GPR107: variants seen among roughly 807,000 people sequenced by gnomAD.
GPR107 encodes the protein G protein-coupled receptor 107, also known as protein GPR107.
Under a neutral mutation model 75.5 loss-of-function variants are expected in GPR107, and 31 were observed. The observed-to-expected ratio is 0.41, with a 90% CI of 0.31 to 0.55. GPR107 has a LOEUF of 0.55. Among genes scored for constraint, GPR107 ranks in the 20% least tolerant of loss-of-function variants. GPR107 has a pLI of 0.26. For synonymous variants in GPR107, 267 were observed against 251.3 expected (o/e 1.06, Z -0.59); for missense variants, 572 against 665.7 (o/e 0.86, Z 1.55).
intron 17 of GPR107, among the ~76,000 whole-genome samples, chr9:130,134,123 T>C (rs1246064249): frequency 2.6e-5 from 4 of 152,164 alleles, no homozygotes; most frequent in East Asian, 3.9e-4. Flanking sequence ...TAAATCCTCA[T>C]TGTTTCCTCG....
rs2132671072 is a variant in GPR107 at position 130,139,870 on chromosome 9, A to G, written c.*4749A>G. The G allele has an allele frequency of 6.6e-6, 1 of 152,348 alleles. No individual in the cohort carries two copies. The highest frequency in any genetic ancestry group is 1.9e-4 in the East Asian group (1 of 5,184). 9.4% of individuals were successfully genotyped at this position (152,348 alleles called of 1,614,324 possible). Reference sequence around the variant, plus strand: ...TTGACTCTTCAAACAGCTTTTGCAGATCGTAAATTGCATTTGCCTAGTCGT... The same window carrying G: ...TTGACTCTTCAAACAGCTTTTGCAGGTCGTAAATTGCATTTGCCTAGTCGT... On this transcript the variant is annotated 3_prime_UTR_variant, in exon 18 of 18. Coordinates refer to ENST00000347136, the MANE Select transcript of GPR107 (RefSeq NM_020960.5).
At position 130,083,622 on chromosome 9, in the gene GPR107, T is replaced by C; in HGVS notation, c.564+20T>C. On this transcript the variant is annotated intron_variant, in intron 6 of 17. Transcript: ENST00000347136. ...TCAAAGGTAAGAACTAACCACCCTT[T>C]TGTGCTCAGCTTTTCTGGATATGTG... The C allele has an allele frequency of 6.7e-7, 1 of 1,484,730 alleles. No individual in the cohort carries two copies. Among genetic ancestry groups the C allele is most frequent in the Non-Finnish European group, 9.0e-7 (1 of 1,114,840 alleles). The allele number at this position is 1,484,730 out of a possible 1,614,324, so 92.0% of individuals were successfully genotyped here.
intron 7 of GPR107, among the ~76,000 whole-genome samples, chr9:130,088,580 T>C (rs2132585981): frequency 6.6e-6 from 1 of 152,364 alleles, no homozygotes. Context: ...TTATAGAGAC[T>C]AATGAACCAA....
chr9:130,071,035 C>CTTTTTTTT (rs56799662), intron 1 of GPR107, among the ~76,000 whole-genome samples: 18 of 98,194 alleles, frequency 1.8e-4, no homozygotes, highest in Non-Finnish European at 1.8e-4. Flanking sequence ...TTTTTTTTTT[C>CTTTTTTTT]TTTTTTTTTT....
intron 1 of GPR107, among the ~76,000 whole-genome samples, chr9:130,069,334 C>T (rs566579351): frequency 3.3e-5 from 5 of 152,266 alleles, no homozygotes; most frequent in Admixed American, 6.5e-5. Context: ...CCCTTTACCA[C>T]GGTGTCAGTG....
chr9:130,114,532 A>G (rs1203393650), intron 14 of GPR107: 1 of 414,908 alleles, frequency 2.4e-6, no homozygotes, highest in East Asian at 8.9e-5. Context: ...ACAGGCATGC[A>G]CTACCATGCC....
At chr9:130,058,462 CTT>C (rs554366603) in intron 1 of GPR107, among the ~76,000 whole-genome samples, 3 of 151,442 alleles carry the variant, frequency 2.0e-5, no homozygotes, top group African/African-American at 7.3e-5. Flanking sequence ...GATGAGTAGG[CTT>C]TTTTTCTTTT....
chr9:130,101,116 G>A lies in GPR107; in HGVS notation c.1024G>A (p.Ala342Thr), dbSNP rs775138028. 4 of 1,595,866 alleles carry A rather than the reference G, an allele frequency of 2.5e-6. No individual in the cohort carries two copies. Among genetic ancestry groups the A allele is most frequent in the Non-Finnish European group, 2.6e-6 (3 of 1,163,370 alleles). ...VYYITHLLKGALLFITIALIG... is the reference protein window; with the variant it reads ...VYYITHLLKGTLLFITIALIG... ...TGTTTTCTCTTCCAGTTTGAAAGGG[G>A]CGCTACTCTTCATCACCATTGCACT... Residue 342 changes from alanine (A) to threonine (T), a missense_variant, in exon 12 of 18, where the codon GCG becomes ACG. Ala to Thr is a moderately conservative substitution (Grantham distance 58). Coordinates refer to ENST00000347136, the MANE Select transcript of GPR107 (RefSeq NM_020960.5).
At chr9:130,107,328 T>C (rs1368120120) in intron 13 of GPR107, among the ~76,000 whole-genome samples, 168 bp from the exon 14 acceptor site, 1 of 152,162 alleles carries the variant, frequency 6.6e-6, no homozygotes, top group South Asian at 2.1e-4. Context: ...CGTGTTGATA[T>C]CAACCATTTC....
Position 130,124,930 on chromosome 9 carries a change from C to T in GPR107, c.1322C>T (p.Ala441Val). The T allele has an allele frequency of 6.5e-7, 1 of 1,543,348 alleles. No individual in the cohort carries two copies. Among genetic ancestry groups the T allele is most frequent in the South Asian group, 1.2e-5 (1 of 83,370 alleles). ...TTCTCTCTAGCTGCTATTAACTTAG[C>T]AAAGCTGAAACTTTTCAGACATTAT... Reference protein sequence around the residue: ...ATDGKAAINLAKLKLFRHYYV... With the variant: ...ATDGKAAINLVKLKLFRHYYV... The change falls in exon 15 of 18, where the codon GCA becomes GTA. Residue 441 changes from alanine (A) to valine (V), a missense_variant. Transcript: ENST00000347136.
intron 1 of GPR107, among the ~76,000 whole-genome samples, chr9:130,059,959 C>G (rs982286254): frequency 1.3e-5 from 2 of 151,680 alleles, no homozygotes; most frequent in Non-Finnish European, 2.9e-5. Context: ...AGTCTGGTCT[C>G]GAACTCCTGA....
At chr9:130,066,255 C>T (rs538940818) in intron 1 of GPR107, among the ~76,000 whole-genome samples, 4 of 151,914 alleles carry the variant, frequency 2.6e-5, no homozygotes, top group East Asian at 1.9e-4. Flanking sequence ...GCTGAAATTG[C>T]GCCACTGCAC....
intron 17 of GPR107, chr9:130,129,573 G>A (rs531527068): frequency 6.5e-6 from 1 of 152,784 alleles, no homozygotes; most frequent in Non-Finnish European, 1.5e-5. Flanking sequence ...CAACAGTAAA[G>A]GAAGGCAGGT....
chr9:130,083,960 ATTAC>A (rs987564634), intron 6 of GPR107, among the ~76,000 whole-genome samples: 9 of 150,748 alleles, frequency 6.0e-5, no homozygotes, highest in South Asian at 4.2e-4. Context: ...ATTTATTACT[ATTAC>A]TTTTTCATCT....
At chr9:130,093,204 T>G (rs933361164) in intron 9 of GPR107, among the ~76,000 whole-genome samples, 20 of 97,798 alleles carry the variant, frequency 2.0e-4, no homozygotes, top group African/African-American at 7.1e-4. Flanking sequence ...TGCCTGGCTT[T>G]TAGCCTTTTT....
intron 14 of GPR107, among the ~76,000 whole-genome samples, chr9:130,123,734 A>G (rs1360055460): frequency 6.6e-6 from 1 of 150,980 alleles, no homozygotes; most frequent in Non-Finnish European, 1.5e-5. Flanking sequence ...GGCTCAAGGG[A>G]TCCTCCCATC....
At position 130,070,163 on chromosome 9, in the gene GPR107, AT is replaced by A. The variant is rs559425211; in HGVS notation, c.142-5455del. On this transcript the variant is annotated intron_variant, in intron 1 of 17. Coordinates refer to ENST00000347136, the MANE Select transcript of GPR107 (RefSeq NM_020960.5). ...AGGCTTGCACCACCACACCCGGCTAATTTTTTTTTTTTTTTTTTGGTAGAGA... is the reference window on the plus strand; with the variant it reads ...AGGCTTGCACCACCACACCCGGCTAATTTTTTTTTTTTTTTTTGGTAGAGA... Among the ~76,000 whole-genome samples the A allele has an allele frequency of 5.0e-3, 626 of 124,990 alleles. 1 individual carries two copies. The highest frequency in any genetic ancestry group is 6.1e-3 in the Non-Finnish European group (354 of 58,362). The allele number at this position is 124,990 out of a possible 152,430, so 82.0% of individuals were successfully genotyped here.
At chr9:130,116,948 AT>A (rs10578715) in intron 14 of GPR107, among the ~76,000 whole-genome samples, 118,801 of 137,714 alleles carry the variant, frequency 0.86, 51,040 homozygotes, top group African/African-American at 0.88. Flanking sequence ...TTTGAAATGT[AT>A]TTTTTTTTTT....
intron 14 of GPR107, among the ~76,000 whole-genome samples, chr9:130,108,267 T>C (rs1311324791): frequency 2.0e-5 from 3 of 152,236 alleles, no homozygotes; most frequent in African/African-American, 7.2e-5. Flanking sequence ...AGTGTGGATA[T>C]TAACATTCTT....
Sources: gnomAD v4.1 joint callset for allele counts (sites outside exome capture counted in the v4.1 genomes callset) on GRCh38, gnomAD v4.1.1 for gene constraint, MANE v1.5 for transcripts, NCBI Gene and HGNC (gene_info 2026-07-23, HGNC 2026-07-21) for gene names.